The following DYNLT2B variants were observed in gnomAD, a reference collection of about 807,000 sequenced individuals.
DYNLT2B encodes the protein dynein light chain Tctex-type protein 2B.
Under a neutral mutation model 19.5 loss-of-function variants are expected in DYNLT2B, and 14 were observed. The observed-to-expected ratio is 0.72, with a 90% CI of 0.47 to 1.12. DYNLT2B has a LOEUF of 1.12. DYNLT2B is among the 50% of genes most tolerant of loss of function. The pLI, the probability that DYNLT2B is intolerant of heterozygous loss-of-function variation, is 0.00. For missense variants in DYNLT2B, 133 were observed against 174.7 expected, an observed-to-expected ratio of 0.76 and a Z score of 1.35; for synonymous variants, 70 against 59.7, an observed-to-expected ratio of 1.17 and a Z score of -0.79.
At chr3:196,302,945 G>A in intron 3 of DYNLT2B, among the ~76,000 whole-genome samples, 2 of 151,526 alleles carry the variant, frequency 1.3e-5, no homozygotes. Flanking sequence ...CTTCTTGCCG[G>A]GGGACTAGAC....
chr3:196,316,880 CATT>C (rs1303201998), intron 1 of DYNLT2B, among the ~76,000 whole-genome samples: 1 of 62,038 alleles, frequency 1.6e-5, no homozygotes, highest in Admixed American at 2.1e-4. Context: ...GTGAGCCTGA[CATT>C]TTTTTCAGTG....
intron 3 of DYNLT2B, among the ~76,000 whole-genome samples, chr3:196,300,731 A>C (rs944799727): frequency 1.5e-4 from 8 of 54,740 alleles, no homozygotes; most frequent in African/African-American, 3.4e-4. Context: ...CTCTGTCTCC[A>C]AAAAAAAAAA....
At chr3:196,308,237 A>G (rs1726545044) in intron 2 of DYNLT2B, among the ~76,000 whole-genome samples, 1 of 152,092 alleles carries the variant, frequency 6.6e-6, no homozygotes, top group Non-Finnish European at 1.5e-5. Context: ...ACTGGAAAAG[A>G]CTTCTTGGAA....
At chr3:196,296,122 A>T in intron 3 of DYNLT2B, 53 bp from the exon 4 acceptor site, 1 of 1,453,396 alleles carries the variant, frequency 6.9e-7, no homozygotes, top group South Asian at 1.1e-5. Context: ...GACCTAAACG[A>T]CACATATCTG....
intron 1 of DYNLT2B, 138 bp from the exon 2 acceptor site, chr3:196,316,369 CAAATTAAG>C: frequency 1.1e-6 from 1 of 911,898 alleles, no homozygotes; most frequent in African/African-American, 1.7e-5. Context: ...AAAATATAAA[CAAATTAAG>C]ACAAATCATA....
intron 3 of DYNLT2B, among the ~76,000 whole-genome samples, chr3:196,297,389 G>A (rs939260843): frequency 9.9e-5 from 15 of 152,096 alleles, no homozygotes; most frequent in African/African-American, 1.4e-4. Flanking sequence ...GCTGGGCATC[G>A]TGGCACACGC....
rs1384308752 is a variant in DYNLT2B, at chr3:196,318,079, G to C, written c.74C>G (p.Pro25Arg). Reference sequence around the variant, plus strand: ...AGGCCGCAGAATATAGGTGTTCTCGGGCTCCCCTGCGTTCTTCTCAGCCTC... The same window carrying C: ...AGGCCGCAGAATATAGGTGTTCTCGCGCTCCCCTGCGTTCTTCTCAGCCTC... ...VPEAEKNAGEPENTYILRPVF... is the reference protein window; with the variant it reads ...VPEAEKNAGERENTYILRPVF... Residue 25 changes from proline (P) to arginine (R), a missense_variant, in exon 1 of 5, where the codon CCC becomes CGC. Pro to Arg is a moderately radical substitution (Grantham distance 103, BLOSUM62 -2). Transcript: ENST00000325318. 1 of 1,565,268 alleles carries C rather than the reference G, an allele frequency of 6.4e-7. No homozygotes were observed. The highest frequency in any genetic ancestry group is 1.2e-5 in the South Asian group (1 of 85,178).
chr3:196,300,601 C>T (rs1726327770), intron 3 of DYNLT2B, among the ~76,000 whole-genome samples: 1 of 151,146 alleles, frequency 6.6e-6, no homozygotes, highest in African/African-American at 2.4e-5. Context: ...TGGTGGCGTG[C>T]GTCTCTAATC....
chr3:196,295,626 CAAAT>C (rs1726204069), intron 4 of DYNLT2B, among the ~76,000 whole-genome samples: 1 of 152,042 alleles, frequency 6.6e-6, no homozygotes, highest in Non-Finnish European at 1.5e-5. Context: ...TTCAAATGAA[CAAAT>C]AAGTGATTTT....
intron 2 of DYNLT2B, among the ~76,000 whole-genome samples, chr3:196,313,430 A>C (rs1400613532): frequency 6.6e-6 from 1 of 152,052 alleles, no homozygotes; most frequent in Non-Finnish European, 1.5e-5. Flanking sequence ...TCCTGGGCTC[A>C]AGAGATCCGC....
Position 196,297,181 on chromosome 3 carries a change from T to TA in DYNLT2B, c.318-1113dup, listed in dbSNP as rs555539393. 1.2e-4 allele frequency among the ~76,000 whole-genome samples: 18 copies of TA among 148,218 alleles called. No individual in the cohort carries two copies. The East Asian group carries it at 2.2e-3, about 18-fold the overall frequency. On this transcript the variant is annotated intron_variant, in intron 3 of 4. Coordinates refer to ENST00000325318, the MANE Select transcript of DYNLT2B (RefSeq NM_152773.5). ...GGAGACACAGCAGGACCCTGGCTCT[T>TA]AAAAAAAAAATTCCAAGAACATGAA... is the stretch of plus-strand genomic sequence containing the variant.
chr3:196,309,553 C>A (rs1726578187), intron 2 of DYNLT2B, among the ~76,000 whole-genome samples: 4 of 151,796 alleles, frequency 2.6e-5, no homozygotes, highest in African/African-American at 9.7e-5. Flanking sequence ...ACGTGAGCCA[C>A]CACACCTGGT....
At position 196,295,991 on chromosome 3, in the gene DYNLT2B, T is replaced by C; in HGVS notation, c.381+15A>G. 6.2e-7 allele frequency: 1 copy of C among 1,609,346 alleles called. No homozygotes were observed. The highest frequency in any genetic ancestry group is 1.1e-5 in the South Asian group (1 of 90,504). On this transcript the variant is annotated intron_variant, in intron 4 of 4. Coordinates refer to ENST00000325318, the MANE Select transcript of DYNLT2B (RefSeq NM_152773.5). ...CGTTCTTAGAAAGGGAAAAGAGGTT[T>C]CCAAATACACTTACATTCATGAAAA...
intron 1 of DYNLT2B, among the ~76,000 whole-genome samples, chr3:196,317,052 G>T (rs930623857): frequency 5.4e-5 from 3 of 55,328 alleles, no homozygotes; most frequent in East Asian, 1.3e-3. Context: ...GTGTTGTGTG[G>T]TGTGTGTGTG....
intron 3 of DYNLT2B, among the ~76,000 whole-genome samples, chr3:196,306,453 A>G (rs964565561): frequency 6.6e-6 from 1 of 152,068 alleles, no homozygotes; most frequent in Non-Finnish European, 1.5e-5. Flanking sequence ...AAGAAAAGAA[A>G]GAAAACACAT....
chr3:196,291,694 G>A (rs528708087), intron 4 of DYNLT2B, among the ~76,000 whole-genome samples: 125 of 152,316 alleles, frequency 8.2e-4, no homozygotes, highest in Admixed American at 9.8e-4. Context: ...TGCCCAGGCT[G>A]TTCTTGAACT....
At chr3:196,313,297 G>A (rs1726688768) in intron 2 of DYNLT2B, among the ~76,000 whole-genome samples, 1 of 151,580 alleles carries the variant, frequency 6.6e-6, no homozygotes, top group Non-Finnish European at 1.5e-5. Context: ...CCTGGGCTCA[G>A]GTGATCCTCC....
intron 3 of DYNLT2B, among the ~76,000 whole-genome samples, chr3:196,305,369 A>C (rs1312911016): frequency 6.6e-6 from 1 of 152,208 alleles, no homozygotes; most frequent in Non-Finnish European, 1.5e-5. Flanking sequence ...CTAACTACTT[A>C]TTTTCAAGAA....
At chr3:196,296,819 C>T (rs1726234341) in intron 3 of DYNLT2B, among the ~76,000 whole-genome samples, 1 of 152,014 alleles carries the variant, frequency 6.6e-6, no homozygotes, top group Non-Finnish European at 1.5e-5. Flanking sequence ...GAGGCTGAGA[C>T]AGGGAGTATC....
Sources: gnomAD v4.1 joint callset for allele counts (sites outside exome capture counted in the v4.1 genomes callset) on GRCh38, gnomAD v4.1.1 for gene constraint, MANE v1.5 for transcripts, NCBI Gene and HGNC (gene_info 2026-07-23, HGNC 2026-07-21) for gene names.